PSMG2: variants seen among roughly 807,000 people sequenced by gnomAD.
PSMG2 encodes the protein CD40 ligand-activated specific transcript 3.
Under a neutral mutation model 31.5 loss-of-function variants are expected in PSMG2, and 21 were observed. The ratio of observed to expected loss-of-function variants is 0.67; its 90% CI spans 0.47 to 0.96. The LOEUF is 0.96. Ranked by LOEUF, PSMG2 falls within the 40% of genes least tolerant of loss-of-function variation. The pLI is 0.00. For missense variants in PSMG2, 318 were observed against 321.2 expected (o/e 0.99, Z 0.08); for synonymous variants, 120 against 110.4 (o/e 1.09, Z -0.54).
intron 1 of PSMG2, among the ~76,000 whole-genome samples, chr18:12,659,808 C>T (rs1185380473): frequency 6.6e-6 from 1 of 152,186 alleles, no homozygotes; most frequent in Non-Finnish European, 1.5e-5. Context: ...TGTAGCAATG[C>T]AGTATCTATG....
At chr18:12,697,483 A>T in intron 1 of PSMG2, 1 of 986,924 alleles carries the variant, frequency 1.0e-6, no homozygotes. Context: ...TACTTTTATT[A>T]AACAGTAAAT....
intron 1 of PSMG2, among the ~76,000 whole-genome samples, chr18:12,675,904 A>G (rs1005325607): frequency 4.5e-4 from 69 of 152,070 alleles, no homozygotes; most frequent in African/African-American, 1.4e-3. Context: ...CCTGACCTCA[A>G]GTGATCCACC....
chr18:12,659,614 G>A (rs1009834374), intron 1 of PSMG2, among the ~76,000 whole-genome samples: 21 of 152,116 alleles, frequency 1.4e-4, no homozygotes, highest in Admixed American at 7.9e-4. Flanking sequence ...AAGTTGCAAT[G>A]AGCCAAGATC....
chr18:12,693,917 C>A (rs1184181058), intron 1 of PSMG2, among the ~76,000 whole-genome samples: 6 of 152,152 alleles, frequency 3.9e-5, no homozygotes, highest in Non-Finnish European at 5.9e-5. Context: ...ACTGTAACCT[C>A]AAATTCCTGG....
In PSMG2 at chr18:12,725,557, C is replaced by A. The variant is rs1284112036; in HGVS notation, c.*26C>A. 6.7e-6 allele frequency: 10 copies of A among 1,500,064 alleles called. No individual in the cohort carries two copies. The highest frequency in any genetic ancestry group is 1.7e-4 in the Middle Eastern group (1 of 5,854). The allele number at this position is 1,500,064 out of a possible 1,614,324, so 92.9% of individuals were successfully genotyped here. On this transcript the variant is annotated 3_prime_UTR_variant, in exon 7 of 7. Transcript: ENST00000317615. ...TCTAATTTCTGTTTTATACCTTATACCCAAAACACTTACTACCAACACAGC... is the reference window on the plus strand; with the variant it reads ...TCTAATTTCTGTTTTATACCTTATAACCAAAACACTTACTACCAACACAGC...
At chr18:12,678,528 G>A (rs1037393252) in intron 1 of PSMG2, 1 of 836,310 alleles carries the variant, frequency 1.2e-6, no homozygotes, top group Non-Finnish European at 1.8e-6. Context: ...AACACTTAAG[G>A]CCATAACTAC....
chr18:12,720,785 G>GTCTTGCTCTGT, intron 5 of PSMG2, 102 bp downstream of exon 5: 1 of 1,186,598 alleles, frequency 8.4e-7, no homozygotes, highest in Non-Finnish European at 1.2e-6. Context: ...GGGTGACAGA[G>GTCTTGCTCTGT]CAAGACTCTG....
At chr18:12,680,946 C>T in intron 1 of PSMG2, 1 of 946,572 alleles carries the variant, frequency 1.1e-6, no homozygotes, top group Non-Finnish European at 1.5e-6. Flanking sequence ...CGCCTGTAAT[C>T]CCAACACTTT....
intron 1 of PSMG2, among the ~76,000 whole-genome samples, chr18:12,703,473 A>G (rs566357289): frequency 3.3e-5 from 5 of 152,316 alleles, no homozygotes; most frequent in African/African-American, 7.2e-5. Context: ...TTTATCCTAG[A>G]AAGTCTTTCT....
chr18:12,662,191 G>GAAAAAAAAA (rs5823232), intron 1 of PSMG2: 1 of 328,602 alleles, frequency 3.0e-6, no homozygotes. Flanking sequence ...CACCAGAAAG[G>GAAAAAAAAA]AAAAAAAAAA....
upstream of PSMG2, among the ~76,000 whole-genome samples, chr18:12,701,596 C>T (rs1195981840): frequency 6.6e-6 from 1 of 152,132 alleles, no homozygotes; most frequent in African/African-American, 2.4e-5. Flanking sequence ...ATTAAAGATA[C>T]TAGACAGCAC....
chr18:12,710,751 G>A lies in PSMG2; in HGVS notation c.230-1951G>A, dbSNP rs147147927. Among the ~76,000 whole-genome samples, 280 of 152,152 alleles carry A rather than the reference G, an allele frequency of 1.8e-3. 2 individuals carry two copies. Among genetic ancestry groups the A allele is most frequent in the African/African-American group, 6.5e-3 (269 of 41,526 alleles). ...ATACAGAAAAGGTGTTGTTGCTTTC[G>A]TAATGTATCACATCAGAAGAAAAAA... On this transcript the variant is annotated intron_variant, in intron 2 of 6. Transcript: ENST00000317615.
rs553303657 is a variant in PSMG2, at chr18:12,724,350, G to A, written c.582-149G>A. On this transcript the variant is annotated intron_variant, in intron 5 of 6. Transcript: ENST00000317615. ...TCTCACAAGTAGAAAACTCTGTGTG[G>A]GGCGAAGGGAGATGATAAGTGATCT... 28 of 755,656 alleles carry A rather than the reference G, an allele frequency of 3.7e-5. No individual in the cohort carries two copies. In the South Asian group the frequency reaches 6.0e-4, roughly 16 times the overall value. The allele number at this position is 755,656 out of a possible 1,614,324, so 46.8% of individuals were successfully genotyped here.
intron 2 of PSMG2, 30 bp from the exon 3 acceptor site, chr18:12,712,672 T>C: frequency 1.3e-6 from 2 of 1,520,050 alleles, no homozygotes; most frequent in South Asian, 2.3e-5. Context: ...TTCACTGTCA[T>C]ATGATTTCAT....
chr18:12,703,253 G>C, intron 1 of PSMG2, 89 bp downstream of exon 1: 2 of 1,349,456 alleles, frequency 1.5e-6, no homozygotes, highest in Non-Finnish European at 2.0e-6. Context: ...GGTGCCTTGG[G>C]AGAAATAGGG....
At chr18:12,713,241 C>T (rs769650698) in intron 3 of PSMG2, among the ~76,000 whole-genome samples, 3 of 152,274 alleles carry the variant, frequency 2.0e-5, no homozygotes, top group Admixed American at 6.5e-5. Flanking sequence ...TCTAAACGTA[C>T]ACCACATCAC....
intron 1 of PSMG2, among the ~76,000 whole-genome samples, chr18:12,662,758 T>C (rs1020307288): frequency 6.6e-6 from 1 of 152,110 alleles, no homozygotes; most frequent in Non-Finnish European, 1.5e-5. Flanking sequence ...GCCTGGGCGA[T>C]AGAGTGAGAC....
intron 5 of PSMG2, among the ~76,000 whole-genome samples, chr18:12,722,458 G>T (rs1323735439): frequency 6.6e-6 from 1 of 152,150 alleles, no homozygotes; most frequent in African/African-American, 2.4e-5. Context: ...GAATCCGAGG[G>T]CAGGGGTGCT....
At chr18:12,691,102 C>T (rs930290475) in intron 1 of PSMG2, 11 of 326,196 alleles carry the variant, frequency 3.4e-5, no homozygotes, top group African/African-American at 2.4e-4. Flanking sequence ...GGGTTTAAAA[C>T]ACAATAATTG....
Sources: allele counts gnomAD v4.1 joint callset (sites outside exome capture counted in the v4.1 genomes callset), GRCh38; gene constraint gnomAD v4.1.1; transcripts MANE v1.5; gene names NCBI Gene and HGNC (gene_info 2026-07-23, HGNC 2026-07-21).